Variants in NCOA7 observed in about 807,000 individuals in gnomAD.
NCOA7 encodes nuclear receptor coactivator 7.
A neutral mutation model predicts 104.3 loss-of-function variants in NCOA7; 45 were observed. That is an observed-to-expected ratio of 0.43 (90% CI 0.34 to 0.55). The LOEUF (loss-of-function observed/expected upper bound fraction) is 0.55, where lower values mean the gene tolerates loss of function less well. Among genes scored for constraint, NCOA7 ranks in the 20% least tolerant of loss-of-function variants. The pLI, the probability that NCOA7 is intolerant of heterozygous loss-of-function variation, is 0.02. For missense variants in NCOA7, 1,041 were observed against 1,119.7 expected (o/e 0.93, Z 1.00); for synonymous variants, 398 against 402.3 (o/e 0.99, Z 0.13).
At chr6:125,860,536 CG>C (rs1347665488) in intron 3 of NCOA7, among the ~76,000 whole-genome samples, 1 of 152,052 alleles carries the variant, frequency 6.6e-6, no homozygotes, top group Non-Finnish European at 1.5e-5. Context: ...TTAGTAGAGA[CG>C]GGGTTTCACC....
At chr6:125,910,959 A>G (rs1786484553) in intron 10 of NCOA7, among the ~76,000 whole-genome samples, 1 of 152,232 alleles carries the variant, frequency 6.6e-6, no homozygotes, top group South Asian at 2.1e-4. Context: ...TGTTGGGGTG[A>G]TCAGACCCAA....
intron 10 of NCOA7, among the ~76,000 whole-genome samples, chr6:125,905,303 C>T (rs1355258649): frequency 2.0e-5 from 3 of 146,408 alleles, no homozygotes; most frequent in Non-Finnish European, 4.5e-5. Flanking sequence ...GTCGCCCAGG[C>T]TGGAGTGCAG....
rs199913209 is a variant in NCOA7 at position 125,911,648 on chromosome 6, A to G, written c.2097-3685A>G. On this transcript the variant is annotated intron_variant, in intron 10 of 15. Transcript: ENST00000392477. ...AACTTCTTCATGCTGAATAGGGGCA[A>G]TGATACTCCTGCCTAATTATTAGGG... Among the ~76,000 whole-genome samples, 864 of 152,334 alleles carry G rather than the reference A, an allele frequency of 5.7e-3. 11 individuals carry two copies. Among genetic ancestry groups the G allele is most frequent in the African/African-American group, 0.019 (798 of 41,566 alleles).
At chr6:125,834,343 TA>T (rs1158016017) in intron 2 of NCOA7, among the ~76,000 whole-genome samples, 1 of 152,162 alleles carries the variant, frequency 6.6e-6, no homozygotes, top group Non-Finnish European at 1.5e-5. Flanking sequence ...AAAGTTTGAT[TA>T]AAAAAACGGA....
chr6:125,847,400 G>A (rs918182952), intron 2 of NCOA7, among the ~76,000 whole-genome samples: 3 of 152,194 alleles, frequency 2.0e-5, no homozygotes, highest in Non-Finnish European at 4.4e-5. Context: ...ACTAAATGTA[G>A]TAACTATCGG....
intron 10 of NCOA7, among the ~76,000 whole-genome samples, chr6:125,896,502 A>G (rs549012676): frequency 6.6e-6 from 1 of 152,302 alleles, no homozygotes; most frequent in South Asian, 2.1e-4. Flanking sequence ...TAATAAATAG[A>G]TTTTATGGCT....
chr6:125,843,648 A>G (rs1429441300), intron 2 of NCOA7, among the ~76,000 whole-genome samples: 2 of 152,126 alleles, frequency 1.3e-5, no homozygotes, highest in Non-Finnish European at 2.9e-5. Context: ...ATATTTAAAT[A>G]TATTTGTAGG....
At chr6:125,868,857 T>A (rs112349609) in intron 3 of NCOA7, among the ~76,000 whole-genome samples, 9,615 of 152,252 alleles carry the variant, frequency 0.063, 427 homozygotes, top group Middle Eastern at 0.11. Flanking sequence ...GCTGTCAGCC[T>A]CCTGAACCCC....
intron 1 of NCOA7, among the ~76,000 whole-genome samples, chr6:125,809,257 A>G (rs551953379): frequency 6.6e-5 from 10 of 151,904 alleles, no homozygotes; most frequent in South Asian, 6.3e-4. Flanking sequence ...GGTGCAATCT[A>G]GGCTCACTGC....
At chr6:125,845,786 G>A (rs76908102) in intron 2 of NCOA7, among the ~76,000 whole-genome samples, 6,795 of 152,040 alleles carry the variant, frequency 0.045, 244 homozygotes, top group Non-Finnish European at 0.066. Context: ...AAAAGTGCAA[G>A]TTCTTCTCTC....
chr6:125,851,464 G>A (rs562095434), intron 2 of NCOA7, among the ~76,000 whole-genome samples: 2 of 152,182 alleles, frequency 1.3e-5, no homozygotes, highest in East Asian at 1.9e-4. Context: ...AGTCCATGGT[G>A]TATATAGACC....
chr6:125,791,357 A>C (rs1303173434), intron 1 of NCOA7, among the ~76,000 whole-genome samples: 2 of 152,332 alleles, frequency 1.3e-5, no homozygotes, highest in African/African-American at 4.8e-5. Context: ...ACAGGTTGGC[A>C]TGGGGCTTAT....
chr6:125,806,953 A>G (rs887487737), intron 1 of NCOA7, among the ~76,000 whole-genome samples: 2 of 152,232 alleles, frequency 1.3e-5, no homozygotes, highest in African/African-American at 4.8e-5. Flanking sequence ...GAGGTGTTGA[A>G]TTTGATAAGG....
chr6:125,849,530 T>C (rs1408107642), intron 2 of NCOA7, among the ~76,000 whole-genome samples: 1 of 152,220 alleles, frequency 6.6e-6, no homozygotes, highest in Non-Finnish European at 1.5e-5. Context: ...GCATTTGTTC[T>C]AAGTCTTATT....
Position 125,915,489 on chromosome 6 carries a change from T to C in NCOA7, c.2244+9T>C. ...CAACCAAGAGCTGGGAGGTGAGCAC[T>C]TGGGCAGGGTTAGACCGTCGTAGTT... On this transcript the variant is annotated intron_variant, in intron 11 of 15. Transcript: ENST00000392477. 1.2e-6 allele frequency: 2 copies of C among 1,613,614 alleles called. No individual in the cohort carries two copies. Among genetic ancestry groups the C allele is most frequent in the East Asian group, 2.2e-5 (1 of 44,876 alleles).
chr6:125,883,874 C>T (rs185790044), intron 7 of NCOA7, among the ~76,000 whole-genome samples: 3 of 152,200 alleles, frequency 2.0e-5, no homozygotes, highest in Non-Finnish European at 4.4e-5. Flanking sequence ...TGTGTACCAC[C>T]TCATCCGGCT....
At chr6:125,897,860 G>A (rs914222187) in intron 10 of NCOA7, among the ~76,000 whole-genome samples, 1 of 152,126 alleles carries the variant, frequency 6.6e-6, no homozygotes, top group Admixed American at 6.5e-5. Flanking sequence ...TTGCATTTTA[G>A]TAGAGACAGG....
intron 5 of NCOA7, among the ~76,000 whole-genome samples, chr6:125,879,493 A>T (rs771953147): frequency 1.3e-5 from 2 of 152,180 alleles, no homozygotes; most frequent in Non-Finnish European, 2.9e-5. Flanking sequence ...TTTAGTAGTT[A>T]TCAGTCCTCA....
intron 3 of NCOA7, among the ~76,000 whole-genome samples, chr6:125,871,536 C>A (rs1287305565): frequency 6.6e-6 from 1 of 152,198 alleles, no homozygotes; most frequent in Non-Finnish European, 1.5e-5. Context: ...TAAATTATAT[C>A]CTCTTTGCTT....
Sources: gnomAD v4.1 joint callset for allele counts (sites outside exome capture counted in the v4.1 genomes callset) on GRCh38, gnomAD v4.1.1 for gene constraint, MANE v1.5 for transcripts, NCBI Gene and HGNC (gene_info 2026-07-23, HGNC 2026-07-21) for gene names.